The following KIAA1217 variants were observed in gnomAD, a reference collection of about 807,000 sequenced individuals.
KIAA1217 encodes sickle tail protein homolog.
A neutral mutation model predicts 163.9 loss-of-function variants in KIAA1217; 88 were observed. That is an observed-to-expected ratio of 0.54 (90% CI 0.45 to 0.64). The LOEUF (loss-of-function observed/expected upper bound fraction) is 0.64. KIAA1217 is among the 30% of genes least tolerant of loss of function. KIAA1217 has a pLI of 0.00. For missense variants in KIAA1217, 2,372 were observed against 2,475.0 expected (o/e 0.96, Z 0.88); for synonymous variants, 903 against 923.1 (o/e 0.98, Z 0.39).
intron 2 of KIAA1217, among the ~76,000 whole-genome samples, chr10:24,312,011 C>T (rs2042760966): frequency 6.6e-6 from 1 of 152,106 alleles, no homozygotes; most frequent in Non-Finnish European, 1.5e-5. Flanking sequence ...TTATTTTCCT[C>T]CCTGTGCTGG....
intron 1 of KIAA1217, among the ~76,000 whole-genome samples, chr10:23,863,381 C>A (rs1472467886): frequency 6.6e-6 from 1 of 152,152 alleles, no homozygotes; most frequent in African/African-American, 2.4e-5. Context: ...AGAGGTGGGA[C>A]TTTTAAGAGC....
At chr10:23,731,028 G>A (rs1035183139) in intron 1 of KIAA1217, among the ~76,000 whole-genome samples, 1 of 152,062 alleles carries the variant, frequency 6.6e-6, no homozygotes, top group Admixed American at 6.5e-5. Flanking sequence ...CCAGTTCAAT[G>A]TTGAAAAGGG....
chr10:24,340,056 G>A (rs973868491), intron 2 of KIAA1217, among the ~76,000 whole-genome samples: 1 of 152,202 alleles, frequency 6.6e-6, no homozygotes, highest in East Asian at 1.9e-4. Flanking sequence ...GGAAAAGGAT[G>A]TCTAACCATC....
intron 2 of KIAA1217, among the ~76,000 whole-genome samples, chr10:24,224,697 A>T (rs1329967976): frequency 6.6e-6 from 1 of 152,166 alleles, no homozygotes; most frequent in Non-Finnish European, 1.5e-5. Flanking sequence ...GAGCACTGAG[A>T]AATACAACGA....
chr10:24,021,927 C>G (rs1847750768), intron 2 of KIAA1217, among the ~76,000 whole-genome samples: 1 of 151,684 alleles, frequency 6.6e-6, no homozygotes, highest in Non-Finnish European at 1.5e-5. Context: ...TGACACCTTT[C>G]ACAAAATTAA....
intron 2 of KIAA1217, among the ~76,000 whole-genome samples, chr10:24,245,274 G>A (rs902077967): frequency 9.9e-5 from 15 of 152,150 alleles, no homozygotes; most frequent in Admixed American, 9.8e-4. Context: ...TGATCATGCT[G>A]GTCCCGTCGA....
intron 1 of KIAA1217, among the ~76,000 whole-genome samples, chr10:23,723,401 G>T (rs1490837448): frequency 1.3e-5 from 2 of 149,688 alleles, no homozygotes; most frequent in African/African-American, 2.5e-5. Flanking sequence ...TGTGCCCTGG[G>T]AAAATGAAAA....
At chr10:24,410,265 G>C (rs1245517560) in intron 3 of KIAA1217, among the ~76,000 whole-genome samples, 1 of 151,952 alleles carries the variant, frequency 6.6e-6, no homozygotes, top group African/African-American at 2.4e-5. Flanking sequence ...CAAAGTGCTG[G>C]GATTACAGGT....
At chr10:24,500,397 C>CATGT in intron 8 of KIAA1217, among the ~76,000 whole-genome samples, 2 of 125,856 alleles carry the variant, frequency 1.6e-5, no homozygotes, top group East Asian at 4.6e-4. Flanking sequence ...AGAGTGTGTG[C>CATGT]GTGTGTGTGT....
intron 1 of KIAA1217, among the ~76,000 whole-genome samples, chr10:23,954,352 C>T (rs933124546): frequency 4.6e-5 from 7 of 151,904 alleles, no homozygotes; most frequent in African/African-American, 1.7e-4. Context: ...ATCTCTTGAG[C>T]CCAGGAGTTC....
intron 1 of KIAA1217, among the ~76,000 whole-genome samples, chr10:23,923,719 T>C (rs145051587): frequency 6.6e-6 from 1 of 152,340 alleles, no homozygotes; most frequent in Non-Finnish European, 1.5e-5. Flanking sequence ...CCAGCCTTGC[T>C]GACACCTTGA....
At chr10:23,809,140 G>A (rs1020902105) in intron 1 of KIAA1217, among the ~76,000 whole-genome samples, 18 of 151,966 alleles carry the variant, frequency 1.2e-4, no homozygotes, top group Non-Finnish European at 2.2e-4. Context: ...CAGTTCAAAC[G>A]TGTCCTTGAG....
At chr10:24,068,219 C>T (rs1018980894) in intron 2 of KIAA1217, among the ~76,000 whole-genome samples, 3 of 152,190 alleles carry the variant, frequency 2.0e-5, no homozygotes, top group South Asian at 2.1e-4. Flanking sequence ...AGAAATCACC[C>T]GTCTTCTGCG....
chr10:24,355,295 G>A (rs960367944), intron 2 of KIAA1217, among the ~76,000 whole-genome samples: 1 of 152,198 alleles, frequency 6.6e-6, no homozygotes, highest in Non-Finnish European at 1.5e-5. Flanking sequence ...TATTATCTTA[G>A]TTTCAGCTGC....
chr10:23,737,612 CA>C (rs1345962200), intron 1 of KIAA1217, among the ~76,000 whole-genome samples: 1 of 151,928 alleles, frequency 6.6e-6, no homozygotes, highest in Non-Finnish European at 1.5e-5. Context: ...GAATTTTACA[CA>C]AAAAATTATT....
At chr10:24,075,585 C>A (rs940205995) in intron 2 of KIAA1217, among the ~76,000 whole-genome samples, 1 of 151,126 alleles carries the variant, frequency 6.6e-6, no homozygotes, top group Non-Finnish European at 1.5e-5. Flanking sequence ...AGTTCTGTCT[C>A]CAAATCTAAA....
intron 2 of KIAA1217, among the ~76,000 whole-genome samples, chr10:24,028,702 T>C (rs1259928236): frequency 6.6e-5 from 10 of 152,174 alleles, no homozygotes; most frequent in African/African-American, 2.2e-4. Flanking sequence ...CTTTGCATTG[T>C]TTTTATCTTT....
chr10:23,798,278 C>T (rs75399216), intron 1 of KIAA1217, among the ~76,000 whole-genome samples: 469 of 152,252 alleles, frequency 3.1e-3, no homozygotes, highest in African/African-American at 0.011. Flanking sequence ...AGCAATATCA[C>T]GGAATTTCTG....
At chr10:24,114,043 T>C (rs2062957033) in intron 2 of KIAA1217, among the ~76,000 whole-genome samples, 1 of 152,216 alleles carries the variant, frequency 6.6e-6, no homozygotes, top group Non-Finnish European at 1.5e-5. Flanking sequence ...GGTGGCCTGA[T>C]AATCTACATC....
Sources: gnomAD v4.1 joint callset for allele counts (sites outside exome capture counted in the v4.1 genomes callset) on GRCh38, gnomAD v4.1.1 for gene constraint, MANE v1.5 for transcripts, NCBI Gene and HGNC (gene_info 2026-07-23, HGNC 2026-07-21) for gene names.